RASSF8: variants seen among roughly 807,000 people sequenced by gnomAD.
RASSF8 encodes the protein ras association domain-containing protein 8.
A neutral mutation model predicts 48.5 loss-of-function variants in RASSF8; 22 were observed. That is an observed-to-expected ratio of 0.45 (90% CI 0.32 to 0.65). The LOEUF is 0.65. Among genes scored for constraint, RASSF8 ranks in the 30% least tolerant of loss-of-function variants. The pLI, the probability that RASSF8 is intolerant of heterozygous loss-of-function variation, is 0.03. For missense variants in RASSF8, 418 were observed against 489.2 expected (o/e 0.85, Z 1.37); for synonymous variants, 127 against 171.5 (o/e 0.74, Z 2.03).
At chr12:25,970,097 C>CT (rs1035793774) in intron 1 of RASSF8, among the ~76,000 whole-genome samples, 19,506 of 142,686 alleles carry the variant, frequency 0.14, 1,358 homozygotes, top group African/African-American at 0.19. Context: ...TACGACCCCA[C>CT]TTTTTTTTTT....
intron 3 of RASSF8, among the ~76,000 whole-genome samples, chr12:26,060,505 A>C (rs1472978699): frequency 6.6e-6 from 1 of 152,210 alleles, no homozygotes; most frequent in Non-Finnish European, 1.5e-5. Context: ...TTCACTGATA[A>C]GATGAGGATC....
At chr12:26,004,013 C>CA (rs1159232885) in intron 2 of RASSF8, among the ~76,000 whole-genome samples, 2 of 151,852 alleles carry the variant, frequency 1.3e-5, no homozygotes, top group African/African-American at 4.8e-5. Flanking sequence ...CCTATCTCTA[C>CA]AAAAAATACA....
At chr12:25,961,447 G>A (rs1057211117) in intron 1 of RASSF8, among the ~76,000 whole-genome samples, 1 of 152,158 alleles carries the variant, frequency 6.6e-6, no homozygotes, top group African/African-American at 2.4e-5. Flanking sequence ...CTTCTTTGAT[G>A]CTAACTTGCT....
chr12:26,072,153 G>T lies in RASSF8; in HGVS notation c.*3335G>T. 1.0e-6 allele frequency: 1 copy of T among 982,568 alleles called. No individual in the cohort carries two copies. Among genetic ancestry groups the T allele is most frequent in the South Asian group, 4.7e-5 (1 of 21,212 alleles). 60.9% of individuals were successfully genotyped at this position (982,568 alleles called of 1,614,324 possible). ...GCCTTAATTTATATAACGATGCTGT[G>T]TTCACATCCCTCTCCTACCTAAAGT... On this transcript the variant is annotated 3_prime_UTR_variant, in exon 6 of 6. Coordinates refer to ENST00000689635, the MANE Select transcript of RASSF8 (RefSeq NM_001394098.1).
chr12:25,977,914 A>G (rs963684973), intron 1 of RASSF8, among the ~76,000 whole-genome samples: 1 of 152,212 alleles, frequency 6.6e-6, no homozygotes, highest in African/African-American at 2.4e-5. Flanking sequence ...CTTTCAAAAG[A>G]GCAGTCACTG....
intron 2 of RASSF8, among the ~76,000 whole-genome samples, chr12:26,035,599 C>T (rs1167967264): frequency 7.4e-6 from 1 of 135,188 alleles, no homozygotes; most frequent in African/African-American, 2.6e-5. Flanking sequence ...ATATTGTATA[C>T]ATAATTATAT....
chr12:25,992,981 C>T (rs939005746), intron 1 of RASSF8, among the ~76,000 whole-genome samples: 1 of 152,016 alleles, frequency 6.6e-6, no homozygotes, highest in African/African-American at 2.4e-5. Context: ...GTAAAGTGAC[C>T]TGGTGAAGAG....
At chr12:26,068,067 G>T (rs1216064818) in intron 5 of RASSF8, among the ~76,000 whole-genome samples, 1 of 152,046 alleles carries the variant, frequency 6.6e-6, no homozygotes, top group Non-Finnish European at 1.5e-5. Context: ...CAGCATGCCC[G>T]ACCATCTGCT....
downstream of RASSF8, among the ~76,000 whole-genome samples, chr12:26,075,723 ATACT>A (rs527559652): frequency 6.6e-4 from 101 of 152,316 alleles, no homozygotes; most frequent in African/African-American, 2.3e-3. Flanking sequence ...ACAAATTGAA[ATACT>A]TAGTAACAAA....
At chr12:26,072,940 C>CTTCCTTT (rs1944028550), downstream of RASSF8, 7 of 584,476 alleles carry the variant, frequency 1.2e-5, no homozygotes, top group Non-Finnish European at 1.5e-5. Flanking sequence ...TAAAAGATAC[C>CTTCCTTT]AAAGAGAATA....
chr12:26,061,422 T>C (rs546612675), intron 3 of RASSF8, among the ~76,000 whole-genome samples: 1 of 152,302 alleles, frequency 6.6e-6, no homozygotes, highest in South Asian at 2.1e-4. Flanking sequence ...TTAATGATTC[T>C]TGGGATTAGT....
At position 26,058,538 on chromosome 12, in the gene RASSF8, G is replaced by GCGCACACA. The variant is rs377669426; in HGVS notation, c.103+3093_103+3094insGCACACAC. On this transcript the variant is annotated intron_variant, in intron 3 of 5. Transcript: ENST00000689635. The stretch of plus-strand genomic sequence containing the variant: ...ACTACACACATGCGCACGCGCGCGC[G>GCGCACACA]CACACACACACACACACACACACAG... Among the ~76,000 whole-genome samples the GCGCACACA allele has an allele frequency of 2.1e-3, 310 of 149,102 alleles. 2 individuals are homozygous for GCGCACACA. Among genetic ancestry groups the GCGCACACA allele is most frequent in the African/African-American group, 7.0e-3 (282 of 40,514 alleles).
intron 1 of RASSF8, among the ~76,000 whole-genome samples, chr12:25,992,852 T>TTTATGG (rs2136951896): frequency 6.6e-6 from 1 of 152,314 alleles, no homozygotes; most frequent in South Asian, 2.1e-4. Flanking sequence ...CATGTTTGTA[T>TTTATGG]TTATGGTTAG....
rs1357822498 is a variant in RASSF8 at position 26,072,208 on chromosome 12, T to A, written c.*3390T>A. ...TTTATTGGTTTATATTGTGTTAAAA[T>A]TAGCTTATAATTATTACTTTTGTAT... On this transcript the variant is annotated 3_prime_UTR_variant, in exon 6 of 6. Transcript: ENST00000689635. The A allele has an allele frequency of 1.0e-6, 1 of 970,116 alleles. No homozygotes were observed. The highest frequency in any genetic ancestry group is 1.2e-6 in the Non-Finnish European group (1 of 816,116). 60.1% of individuals were successfully genotyped at this position (970,116 alleles called of 1,614,324 possible).
At chr12:26,055,614 G>A (rs1422074327) in intron 3 of RASSF8, among the ~76,000 whole-genome samples, 168 bp downstream of exon 3, 1 of 152,184 alleles carries the variant, frequency 6.6e-6, no homozygotes, top group Non-Finnish European at 1.5e-5. Flanking sequence ...GTACATCTGT[G>A]ATGATGCTTG....
intron 2 of RASSF8, among the ~76,000 whole-genome samples, chr12:26,009,842 T>A (rs2669570): frequency 6.6e-6 from 1 of 152,066 alleles, no homozygotes; most frequent in Non-Finnish European, 1.5e-5. Context: ...TGATAGAGAA[T>A]GGAAAGTGAG....
In RASSF8 at chr12:26,028,520, T is replaced by C. The variant is rs74071617; in HGVS notation, c.-108-26716T>C. On this transcript the variant is annotated intron_variant, in intron 2 of 5. Coordinates refer to ENST00000689635, the MANE Select transcript of RASSF8 (RefSeq NM_001394098.1). Reference sequence around the variant, plus strand: ...GTTGTAATTTCTTGGTAATCATAAATGTCTACATGTTCCTTGGCCACGTAC... The same window carrying C: ...GTTGTAATTTCTTGGTAATCATAAACGTCTACATGTTCCTTGGCCACGTAC... Among the ~76,000 whole-genome samples, 1,070 of 152,316 alleles carry C rather than the reference T, an allele frequency of 7.0e-3. 19 individuals are homozygous for C. Among genetic ancestry groups the C allele is most frequent in the African/African-American group, 0.025 (1,033 of 41,570 alleles).
At chr12:26,027,767 A>C (rs1343118220) in intron 2 of RASSF8, among the ~76,000 whole-genome samples, 1 of 152,238 alleles carries the variant, frequency 6.6e-6, no homozygotes, top group African/African-American at 2.4e-5. Context: ...TGTTGAAGCC[A>C]TGAGTGTTAC....
At chr12:25,975,330 C>T (rs1389336181) in intron 1 of RASSF8, among the ~76,000 whole-genome samples, 1 of 152,144 alleles carries the variant, frequency 6.6e-6, no homozygotes, top group African/African-American at 2.4e-5. Flanking sequence ...ACTTACCCAC[C>T]CCACCAGGGT....
Sources: allele counts gnomAD v4.1 joint callset (sites outside exome capture counted in the v4.1 genomes callset), GRCh38; gene constraint gnomAD v4.1.1; transcripts MANE v1.5; gene names NCBI Gene and HGNC (gene_info 2026-07-23, HGNC 2026-07-21).